The following PSG5 variants were observed in gnomAD, a reference collection of about 807,000 sequenced individuals.
PSG5 encodes the protein pregnancy specific beta-1-glycoprotein 5.
Under a neutral mutation model 37.7 loss-of-function variants are expected in PSG5, and 53 were observed. That is an observed-to-expected ratio of 1.41 (90% CI 1.13 to 1.77). The LOEUF (loss-of-function observed/expected upper bound fraction) is 1.77, where lower values mean the gene tolerates loss of function less well. Among genes scored for constraint, PSG5 ranks in the 40% most tolerant of loss-of-function variants. The pLI, the probability that PSG5 is intolerant of heterozygous loss-of-function variation, is 0.00. For missense variants in PSG5, 547 were observed against 405.2 expected (o/e 1.35, Z -3.00); for synonymous variants, 221 against 155.4 (o/e 1.42, Z -3.14).
chr19:43,170,359 C>T (rs1195790973), intron 4 of PSG5: 8 of 617,628 alleles, frequency 1.3e-5, no homozygotes, highest in Non-Finnish European at 1.2e-5. Flanking sequence ...CAAATCTCTA[C>T]TGCACTCAGA....
At chr19:43,183,480 G>A (rs1599755384) in intron 2 of PSG5, 1 of 528,828 alleles carries the variant, frequency 1.9e-6, no homozygotes. Flanking sequence ...GTCTGAGTGG[G>A]GAAAGAAAAC....
intron 2 of PSG5, among the ~76,000 whole-genome samples, chr19:43,181,502 A>C (rs1969127514): frequency 6.6e-6 from 1 of 151,552 alleles, no homozygotes; most frequent in Non-Finnish European, 1.5e-5. Context: ...TCTTTCACCC[A>C]GGCTGGAGTG....
At chr19:43,171,713 A>C (rs1968908527) in intron 4 of PSG5, among the ~76,000 whole-genome samples, 1 of 151,552 alleles carries the variant, frequency 6.6e-6, no homozygotes, top group African/African-American at 2.4e-5. Flanking sequence ...GTCATGTTTT[A>C]ATCCTAGCAC....
At chr19:43,172,720 A>T (rs944915537) in intron 4 of PSG5, among the ~76,000 whole-genome samples, 2 of 151,702 alleles carry the variant, frequency 1.3e-5, no homozygotes, top group African/African-American at 4.9e-5. Flanking sequence ...TATTGCTGAA[A>T]GAAATGAAAG....
At position 43,170,097 on chromosome 19, in the gene PSG5, A is replaced by G. The variant is rs199535184; in HGVS notation, c.1006T>C (p.Ter336GlnextTer3). 7.6e-6 allele frequency: 12 copies of G among 1,581,736 alleles called. No homozygotes were observed. Among genetic ancestry groups the G allele is most frequent in the Non-Finnish European group, 1.0e-5 (12 of 1,155,900 alleles). ...IGRLPLLNPI[*>Q] ...ATACAGAAATGACTTCACGGCTGCT[A>G]TATTGGATTAAGGAGAGGAAGACGT... Residue 336 changes from the stop codon to glutamine (Q), a stop_lost, in exon 5 of 6, where the codon TAG becomes CAG. Transcript: ENST00000342951.
In PSG5 at chr19:43,185,166, A is replaced by T; in HGVS notation, c.65-19T>A. 6.3e-7 allele frequency: 1 copy of T among 1,583,180 alleles called. No individual in the cohort carries two copies. Among genetic ancestry groups the T allele is most frequent in the South Asian group, 1.2e-5 (1 of 84,650 alleles). ...AGTGATGCTAGGAGGTGGAGAAAGC[A>T]CCAGTCAATATTGAGACCTGTGTAT... On this transcript the variant is annotated intron_variant, in intron 1 of 5. Coordinates refer to ENST00000342951, the MANE Select transcript of PSG5 (RefSeq NM_002781.4).
chr19:43,180,805 TAG>T (rs10641928), intron 2 of PSG5, among the ~76,000 whole-genome samples: 1 of 150,516 alleles, frequency 6.6e-6, no homozygotes, highest in Admixed American at 6.6e-5. Flanking sequence ...GCTCCTTAAG[TAG>T]AGAGTCCCGT....
At chr19:43,185,978 T>C (rs1966929804) in intron 1 of PSG5, among the ~76,000 whole-genome samples, 1 of 151,228 alleles carries the variant, frequency 6.6e-6, no homozygotes, top group Non-Finnish European at 1.5e-5. Flanking sequence ...TTTTCTTTTT[T>C]TTCTTTTTAT....
At chr19:43,170,693 GC>G (rs1344818579) in intron 4 of PSG5, 5 of 188,588 alleles carry the variant, frequency 2.7e-5, no homozygotes. Flanking sequence ...CCTCAGCCTT[GC>G]AAAAACTCTT....
chr19:43,175,072 G>A lies in PSG5; in HGVS notation c.964+143C>T. On this transcript the variant is annotated intron_variant, in intron 4 of 5. Coordinates refer to ENST00000342951, the MANE Select transcript of PSG5 (RefSeq NM_002781.4). Reference sequence around the variant, plus strand: ...AGAAGAGAGTTTGTAGAGACAAATTGGAAGGGTTCAGGAGGAGAATTTGGG... The same window carrying A: ...AGAAGAGAGTTTGTAGAGACAAATTAGAAGGGTTCAGGAGGAGAATTTGGG... 26 of 1,569,136 alleles carry A rather than the reference G, an allele frequency of 1.7e-5. 2 individuals are homozygous for A. In the South Asian group the frequency reaches 2.7e-4, roughly 17 times the overall value.
At chr19:43,179,897 T>C (rs1483123027) in intron 2 of PSG5, among the ~76,000 whole-genome samples, 3 of 151,810 alleles carry the variant, frequency 2.0e-5, no homozygotes, top group Admixed American at 6.6e-5. Flanking sequence ...GGGTCCATGA[T>C]GCTTCCTTCC....
intron 2 of PSG5, chr19:43,179,084 G>A (rs536675616): frequency 3.7e-6 from 6 of 1,611,834 alleles, no homozygotes; most frequent in Admixed American, 3.3e-5. Flanking sequence ...CAGGATCACA[G>A]GTTAAGATCA....
intron 1 of PSG5, 133 bp from the exon 2 acceptor site, chr19:43,185,280 A>T: frequency 1.6e-6 from 2 of 1,260,072 alleles, no homozygotes; most frequent in South Asian, 2.9e-5. Flanking sequence ...ACACACACAC[A>T]CAAAAGGTGC....
Position 43,186,220 on chromosome 19 carries a change from C to T in PSG5, c.64+122G>A, listed in dbSNP as rs986940868. The T allele has an allele frequency of 2.4e-5, 37 of 1,516,422 alleles. No individual in the cohort carries two copies. In the Admixed American group the frequency reaches 6.5e-4, roughly 26 times the overall value. The allele number at this position is 1,516,422 out of a possible 1,614,324, so 93.9% of individuals were successfully genotyped here. ...CTTGAACTCCTGATCTCATAATCCA[C>T]CCACCTCATCCTCCCAAAGTGCTGG... On this transcript the variant is annotated intron_variant, in intron 1 of 5. Transcript: ENST00000342951.
intron 2 of PSG5, among the ~76,000 whole-genome samples, chr19:43,179,600 A>G (rs1969085213): frequency 1.3e-5 from 2 of 151,836 alleles, no homozygotes; most frequent in East Asian, 1.9e-4. Flanking sequence ...GAGATGGATG[A>G]TGGAACTTCC....
At chr19:43,178,366 C>T (rs922681123) in intron 2 of PSG5, among the ~76,000 whole-genome samples, 3 of 151,780 alleles carry the variant, frequency 2.0e-5, no homozygotes, top group African/African-American at 7.3e-5. Context: ...TCCCATCAAT[C>T]AGCCAAGAAT....
chr19:43,178,304 T>A (rs183411750), intron 2 of PSG5, among the ~76,000 whole-genome samples: 1 of 151,646 alleles, frequency 6.6e-6, no homozygotes, highest in Non-Finnish European at 1.5e-5. Context: ...TAGATCCCTC[T>A]ATGTTTTGGT....
At chr19:43,176,959 G>A (rs2122219475) in intron 2 of PSG5, among the ~76,000 whole-genome samples, 1 of 151,864 alleles carries the variant, frequency 6.6e-6, no homozygotes, top group African/African-American at 2.4e-5. Context: ...ACATGTGGAT[G>A]TTTGCAAATG....
intron 1 of PSG5, among the ~76,000 whole-genome samples, chr19:43,185,971 T>C (rs1033221919): frequency 6.6e-6 from 1 of 151,120 alleles, no homozygotes; most frequent in Non-Finnish European, 1.5e-5. Flanking sequence ...TTTTCTTTTT[T>C]CTTTTTTTTC....
Sources: gnomAD v4.1 joint callset for allele counts (sites outside exome capture counted in the v4.1 genomes callset) on GRCh38, gnomAD v4.1.1 for gene constraint, MANE v1.5 for transcripts, NCBI Gene and HGNC (gene_info 2026-07-23, HGNC 2026-07-21) for gene names.